The following UGT1A6 variants were observed in gnomAD, a reference collection of about 807,000 sequenced individuals.
UGT1A6 encodes the protein UDP-glucuronosyltransferase 1A6.
A neutral mutation model predicts 44.4 loss-of-function variants in UGT1A6; 32 were observed. The observed-to-expected ratio is 0.72, with a 90% CI of 0.54 to 0.97. The LOEUF is 0.97. Among genes scored for constraint, UGT1A6 ranks in the 50% least tolerant of loss-of-function variants. UGT1A6 has a pLI of 0.00. For missense variants in UGT1A6, 685 were observed against 661.9 expected (o/e 1.03, Z -0.38); for synonymous variants, 238 against 248.5 (o/e 0.96, Z 0.40).
At chr2:233,757,562 G>GTATATATATATA (rs1491042837) in intron 1 of UGT1A6, among the ~76,000 whole-genome samples, 1 of 90,870 alleles carries the variant, frequency 1.1e-5, no homozygotes, top group Non-Finnish European at 2.1e-5. Flanking sequence ...ATATATATAT[G>GTATATATATATA]TATATATGAT....
intron 1 of UGT1A6, among the ~76,000 whole-genome samples, chr2:233,698,232 G>T (rs1383966106): frequency 6.6e-6 from 1 of 152,060 alleles, no homozygotes; most frequent in African/African-American, 2.4e-5. Context: ...AAATTAAAGT[G>T]ATCAAAATAG....
In UGT1A6 at chr2:233,769,728, G is replaced by A. The variant is rs1027354407; in HGVS notation, c.1301+1289G>A. The stretch of plus-strand genomic sequence containing the variant: ...ATGTTGGCTAGGCACCATGGCACAC[G>A]CCTGTAGTCCCAGCCACTCTGGAGG... On this transcript the variant is annotated intron_variant, in intron 4 of 4. Coordinates refer to ENST00000305139, the MANE Select transcript of UGT1A6 (RefSeq NM_001072.4). This position sits in a 1 kb window ranked among gnomAD's most constrained non-coding sequence, Gnocchi z 4.4. The A allele has an allele frequency of 4.6e-5, 67 of 1,472,430 alleles. No homozygotes were observed. The highest frequency in any genetic ancestry group is 5.8e-5 in the Non-Finnish European group (64 of 1,110,636). 91.2% of individuals were successfully genotyped at this position (1,472,430 alleles called of 1,614,324 possible). A position where few individuals can be genotyped will look rare whatever the true frequency, so the allele number is the denominator to read the frequency against.
chr2:233,771,657 A>G (rs1277760780), intron 4 of UGT1A6: 1 of 152,474 alleles, frequency 6.6e-6, no homozygotes, highest in Non-Finnish European at 1.5e-5. Flanking sequence ...AATATAATGA[A>G]ATTTCTCACA....
chr2:233,754,247 A>G (rs1695429066), intron 1 of UGT1A6: 1 of 170,702 alleles, frequency 5.9e-6, no homozygotes, highest in Admixed American at 5.5e-5. Context: ...CACTTTCCCA[A>G]CGGAAAAAGG....
intron 1 of UGT1A6, chr2:233,718,893 T>C (rs1280624543): frequency 6.2e-7 from 1 of 1,613,958 alleles, no homozygotes; most frequent in East Asian, 2.2e-5. Context: ...TGTCCAGCCC[T>C]GGGCTGAGAG....
chr2:233,754,764 C>T (rs570859528), intron 1 of UGT1A6: 2 of 981,308 alleles, frequency 2.0e-6, no homozygotes, highest in East Asian at 6.0e-5. Flanking sequence ...AAGGCCCCCA[C>T]TTCCCAGGGA....
intron 1 of UGT1A6, among the ~76,000 whole-genome samples, chr2:233,716,039 C>T (rs1263753435): frequency 6.6e-6 from 1 of 152,186 alleles, no homozygotes; most frequent in Non-Finnish European, 1.5e-5. Context: ...TGTCAGCATT[C>T]TGATTCTGTC....
At chr2:233,760,317 A>G (rs772038779) in intron 1 of UGT1A6, 2 of 1,613,898 alleles carry the variant, frequency 1.2e-6, no homozygotes, top group African/African-American at 2.7e-5. Context: ...GCGGACGCCC[A>G]CTTGTCCTGG....
chr2:233,733,687 G>A (rs906292331), intron 1 of UGT1A6, among the ~76,000 whole-genome samples: 3 of 152,194 alleles, frequency 2.0e-5, no homozygotes, highest in African/African-American at 7.2e-5. Context: ...ACTTTTTGAT[G>A]TGCTGCTGGA....
intron 1 of UGT1A6, chr2:233,750,809 A>C (rs893471705): frequency 1.3e-5 from 2 of 151,828 alleles, no homozygotes; most frequent in African/African-American, 4.9e-5. Context: ...AGGTTTGGGA[A>C]CCTCCACATA....
intron 1 of UGT1A6, among the ~76,000 whole-genome samples, chr2:233,736,696 G>T (rs2078794869): frequency 6.6e-6 from 1 of 152,182 alleles, no homozygotes. Flanking sequence ...TACAGATGGG[G>T]TTTTGGTGTA....
chr2:233,734,126 AG>A (rs1325771247), intron 1 of UGT1A6, among the ~76,000 whole-genome samples: 3 of 151,608 alleles, frequency 2.0e-5, no homozygotes, highest in Non-Finnish European at 4.4e-5. Context: ...AATAATAAAA[AG>A]AATTTGGCTG....
At chr2:233,744,678 A>G (rs965177544) in intron 1 of UGT1A6, among the ~76,000 whole-genome samples, 2 of 151,880 alleles carry the variant, frequency 1.3e-5, no homozygotes, top group African/African-American at 2.4e-5. Context: ...CACATCACCC[A>G]TGTAGCTTCT....
intron 1 of UGT1A6, among the ~76,000 whole-genome samples, chr2:233,734,101 T>TATAATA (rs549143261): frequency 6.3e-4 from 96 of 151,394 alleles, no homozygotes; most frequent in African/African-American, 1.8e-3. Flanking sequence ...AAACTTAAAG[T>TATAATA]ATAATAATAA....
chr2:233,747,207 T>A, intron 1 of UGT1A6: 1 of 1,605,232 alleles, frequency 6.2e-7, no homozygotes, highest in Non-Finnish European at 8.5e-7. Context: ...CCGTGTCTTC[T>A]GCTGAGATGG....
At chr2:233,713,794 C>T (rs772145580) in intron 1 of UGT1A6, 12 of 1,613,912 alleles carry the variant, frequency 7.4e-6, no homozygotes, top group East Asian at 2.2e-5. Flanking sequence ...TACCCCAGGC[C>T]GATCATGCCC....
At chr2:233,709,173 C>G (rs571228919) in intron 1 of UGT1A6, among the ~76,000 whole-genome samples, 2 of 152,222 alleles carry the variant, frequency 1.3e-5, no homozygotes, top group South Asian at 4.2e-4. Context: ...GTCACATGTT[C>G]TATCCTGAGC....
chr2:233,742,956 T>C, intron 1 of UGT1A6: 1 of 217,074 alleles, frequency 4.6e-6, no homozygotes, highest in Non-Finnish European at 9.3e-6. Context: ...CAAATAATCA[T>C]TGTCTGCCTC....
At chr2:233,771,815 C>T in intron 4 of UGT1A6, among the ~76,000 whole-genome samples, 1 of 135,588 alleles carries the variant, frequency 7.4e-6, no homozygotes, top group Admixed American at 7.6e-5. Flanking sequence ...TTCCTCCTTT[C>T]CTTGCTTCCT....
Sources: gnomAD v4.1 joint callset for allele counts (sites outside exome capture counted in the v4.1 genomes callset) on GRCh38, gnomAD v4.1.1 for gene constraint, Gnocchi (gnomAD v3.1) non-coding constraint, MANE v1.5 for transcripts, NCBI Gene and HGNC (gene_info 2026-07-23, HGNC 2026-07-21) for gene names.